SENP6: variants seen among roughly 807,000 people sequenced by gnomAD.
SENP6 encodes SUMO specific peptidase 6.
Under a neutral mutation model 134.5 loss-of-function variants are expected in SENP6, and 41 were observed. The observed-to-expected ratio is 0.30, with a 90% CI of 0.24 to 0.40. The LOEUF (loss-of-function observed/expected upper bound fraction) is 0.40, where lower values mean the gene tolerates loss of function less well. SENP6 is among the 10% of genes least tolerant of loss of function. The pLI is 1.00. For missense variants in SENP6, 1,248 were observed against 1,312.5 expected (o/e 0.95, Z 0.76); for synonymous variants, 395 against 429.8 (o/e 0.92, Z 1.00).
At chr6:75,686,347 C>G (rs1414473889) in intron 16 of SENP6, among the ~76,000 whole-genome samples, 1 of 152,156 alleles carries the variant, frequency 6.6e-6, no homozygotes, top group Non-Finnish European at 1.5e-5. Context: ...GACTCTTTAT[C>G]CAATTTGCCA....
chr6:75,662,311 T>G (rs1771845920), intron 8 of SENP6, among the ~76,000 whole-genome samples: 1 of 152,092 alleles, frequency 6.6e-6, no homozygotes, highest in African/African-American at 2.4e-5. Context: ...CAATTTTTTT[T>G]GTTTGGAGAG....
At chr6:75,672,349 T>C (rs9341531) in intron 11 of SENP6, among the ~76,000 whole-genome samples, 17,205 of 152,240 alleles carry the variant, frequency 0.11, 994 homozygotes, top group African/African-American at 0.14. Context: ...CATTAAAATT[T>C]GGATGAATTT....
Position 75,695,845 on chromosome 6 carries a change from G to A in SENP6, c.2117G>A (p.Arg706Gln), listed in dbSNP as rs756388572. 1.1e-5 allele frequency: 18 copies of A among 1,604,682 alleles called. No individual in the cohort carries two copies. The highest frequency in any genetic ancestry group is 1.4e-5 in the Non-Finnish European group (16 of 1,175,838). Residue 706 changes from arginine (R) to glutamine (Q), a missense_variant, in exon 17 of 24, where the codon CGA becomes CAA. Arg to Gln is a conservative substitution (Grantham distance 43). Coordinates refer to ENST00000447266, the MANE Select transcript of SENP6 (RefSeq NM_015571.4). Reference protein sequence around the residue: ...LEKLKKEDADRIHIFSSFFYK... With the variant: ...LEKLKKEDADQIHIFSSFFYK... ...AAACTGAAGAAGGAAGACGCTGACCGAATTCATATATTCAGTTCTTTTTTC... is the reference window on the plus strand; with the variant it reads ...AAACTGAAGAAGGAAGACGCTGACCAAATTCATATATTCAGTTCTTTTTTC...
intron 5 of SENP6, among the ~76,000 whole-genome samples, chr6:75,638,648 T>TAA (rs1769785365): frequency 8.2e-6 from 1 of 121,984 alleles, no homozygotes; most frequent in Non-Finnish European, 1.7e-5. Flanking sequence ...TTTTTTTTTT[T>TAA]TTAACTGTTT....
At chr6:75,713,116 G>T (rs1467645122) in intron 21 of SENP6, among the ~76,000 whole-genome samples, 1 of 151,968 alleles carries the variant, frequency 6.6e-6, no homozygotes, top group African/African-American at 2.4e-5. Context: ...ATGGGCCGAG[G>T]TTGGGGGGAT....
chr6:75,628,619 A>G (rs1768876817), intron 3 of SENP6, among the ~76,000 whole-genome samples: 1 of 152,182 alleles, frequency 6.6e-6, no homozygotes. Context: ...TTATGGAGGG[A>G]AATTTCTTTT....
rs935513700 is a variant in SENP6, at chr6:75,601,943, T to G, written c.-582T>G. ...GGCGGTGGCAGAGGAGACCCACCCCTGTCCACATGGACAGTCGCAAAGGCC... is the reference window on the plus strand; with the variant it reads ...GGCGGTGGCAGAGGAGACCCACCCCGGTCCACATGGACAGTCGCAAAGGCC... On this transcript the variant is annotated 5_prime_UTR_variant, in exon 1 of 24. Transcript: ENST00000447266. The G allele has an allele frequency of 6.6e-6, 1 of 151,930 alleles. No individual in the cohort carries two copies. The highest frequency in any genetic ancestry group is 1.9e-4 in the East Asian group (1 of 5,140). 9.4% of individuals were successfully genotyped at this position (151,930 alleles called of 1,614,324 possible).
At chr6:75,623,998 T>C in intron 3 of SENP6, 38 bp downstream of exon 3, 1 of 1,508,260 alleles carries the variant, frequency 6.6e-7, no homozygotes, top group Non-Finnish European at 9.1e-7. Context: ...TTTTACATTA[T>C]ATACAAAAAA....
intron 6 of SENP6, among the ~76,000 whole-genome samples, chr6:75,644,399 T>G (rs1439663556): frequency 6.6e-6 from 1 of 151,678 alleles, no homozygotes; most frequent in Non-Finnish European, 1.5e-5. Flanking sequence ...ACATGATGAC[T>G]TAATGCATTG....
At chr6:75,635,013 T>C (rs1769403580) in intron 5 of SENP6, 1 of 646,952 alleles carries the variant, frequency 1.5e-6, no homozygotes, top group Non-Finnish European at 2.8e-6. Flanking sequence ...AAATAGAGAA[T>C]TTTTCACTAA....
intron 8 of SENP6, among the ~76,000 whole-genome samples, chr6:75,659,769 C>T (rs563716462): frequency 1.3e-5 from 2 of 152,294 alleles, no homozygotes; most frequent in South Asian, 2.1e-4. Flanking sequence ...TGTCCTCACT[C>T]TCTATGCCTT....
intron 16 of SENP6, among the ~76,000 whole-genome samples, chr6:75,687,616 A>G (rs1773939914): frequency 1.3e-5 from 2 of 152,112 alleles, no homozygotes; most frequent in Admixed American, 1.3e-4. Flanking sequence ...TGTTGATGCT[A>G]TTCCTTTCTG....
At chr6:75,674,321 G>T (rs1331313004) in intron 11 of SENP6, among the ~76,000 whole-genome samples, 1 of 151,584 alleles carries the variant, frequency 6.6e-6, no homozygotes, top group East Asian at 1.9e-4. Context: ...CTATACCTAG[G>T]TAAGTTTTTC....
intron 6 of SENP6, among the ~76,000 whole-genome samples, chr6:75,644,704 C>T (rs1048694053): frequency 3.9e-5 from 6 of 152,128 alleles, no homozygotes; most frequent in African/African-American, 1.2e-4. Context: ...AGTCTGGCCG[C>T]GAACTCCTGG....
At chr6:75,650,305 G>GT (rs1256153859) in intron 7 of SENP6, among the ~76,000 whole-genome samples, 7 of 152,108 alleles carry the variant, frequency 4.6e-5, no homozygotes, top group African/African-American at 1.7e-4. Context: ...TCTCTGCTGG[G>GT]TTTTTTCACT....
intron 10 of SENP6, among the ~76,000 whole-genome samples, chr6:75,668,811 A>G (rs1027701202): frequency 6.6e-6 from 1 of 152,222 alleles, no homozygotes; most frequent in African/African-American, 2.4e-5. Context: ...GAATTTTCAG[A>G]TGAGCGGTTT....
At chr6:75,686,242 T>G (rs1354156231) in intron 16 of SENP6, among the ~76,000 whole-genome samples, 1 of 152,202 alleles carries the variant, frequency 6.6e-6, no homozygotes, top group East Asian at 1.9e-4. Flanking sequence ...GTTTTCCATT[T>G]GCTTGGTAGA....
intron 1 of SENP6, among the ~76,000 whole-genome samples, chr6:75,603,652 C>T (rs1429386685): frequency 6.6e-6 from 1 of 152,084 alleles, no homozygotes; most frequent in Non-Finnish European, 1.5e-5. Context: ...TAAACAGGTT[C>T]TATAGGAGGG....
chr6:75,678,309 T>G (rs181013071), intron 14 of SENP6: 181 of 262,430 alleles, frequency 6.9e-4, no homozygotes, highest in African/African-American at 3.8e-3. Context: ...CAGCATTATT[T>G]AATTTCATGT....
Sources: gnomAD v4.1 joint callset for allele counts (sites outside exome capture counted in the v4.1 genomes callset) on GRCh38, gnomAD v4.1.1 for gene constraint, MANE v1.5 for transcripts, NCBI Gene and HGNC (gene_info 2026-07-23, HGNC 2026-07-21) for gene names.